Variants in GRID2 observed in about 807,000 individuals in gnomAD.
The protein encoded by GRID2 is glutamate ionotropic receptor delta type subunit 2.
In GRID2, 33 loss-of-function variants were observed where a neutral mutation model predicts 114.8. The observed-to-expected ratio is 0.29, with a 90% confidence interval of 0.22 to 0.38. GRID2 has a LOEUF of 0.38. Among genes scored for constraint, GRID2 ranks in the 10% least tolerant of loss-of-function variants. GRID2 has a pLI of 1.00. For synonymous variants in GRID2, 505 were observed against 449.9 expected, an observed-to-expected ratio of 1.12 and a Z score of -1.55; for missense variants, 1,184 against 1,257.7, an observed-to-expected ratio of 0.94 and a Z score of 0.89.
intron 1 of GRID2, among the ~76,000 whole-genome samples, chr4:92,515,176 T>C (rs1054402301): frequency 2.6e-5 from 4 of 151,932 alleles, no homozygotes; most frequent in African/African-American, 9.7e-5. Context: ...TCATTTCTGA[T>C]TCCACTATGA....
chr4:92,991,231 A>C (rs953382139), intron 2 of GRID2, among the ~76,000 whole-genome samples: 1 of 152,168 alleles, frequency 6.6e-6, no homozygotes, highest in Non-Finnish European at 1.5e-5. Context: ...TGTAATAATC[A>C]TGGTTTGCAA....
At chr4:93,708,332 T>C (rs1278851975) in intron 14 of GRID2, among the ~76,000 whole-genome samples, 1 of 152,028 alleles carries the variant, frequency 6.6e-6, no homozygotes, top group African/African-American at 2.4e-5. Context: ...GGGGTTTATG[T>C]CTCTCTTTAG....
chr4:93,042,270 TC>T (rs1312001807), intron 2 of GRID2, among the ~76,000 whole-genome samples: 85 of 79,764 alleles, frequency 1.1e-3, no homozygotes, highest in East Asian at 5.0e-3. Context: ...TCTCTCTCTC[TC>T]TCTTTCTCTC....
intron 2 of GRID2, among the ~76,000 whole-genome samples, chr4:92,637,924 T>A (rs146775059): frequency 6.6e-6 from 1 of 151,982 alleles, no homozygotes; most frequent in African/African-American, 2.4e-5. Flanking sequence ...ATGTGGGGAA[T>A]AGAAGTTGTT....
intron 13 of GRID2, among the ~76,000 whole-genome samples, chr4:93,523,957 G>T (rs568890353): frequency 1.3e-5 from 2 of 152,042 alleles, no homozygotes; most frequent in African/African-American, 4.8e-5. Flanking sequence ...CCTCTTTTCT[G>T]CTTGTTCCAT....
At chr4:92,742,064 T>C (rs919970280) in intron 2 of GRID2, among the ~76,000 whole-genome samples, 15 of 152,292 alleles carry the variant, frequency 9.8e-5, no homozygotes, top group African/African-American at 3.4e-4. Flanking sequence ...AAATAAATAA[T>C]GAATTATACT....
At chr4:93,751,748 G>A (rs953574184) in intron 14 of GRID2, among the ~76,000 whole-genome samples, 1 of 152,136 alleles carries the variant, frequency 6.6e-6, no homozygotes, top group East Asian at 1.9e-4. Context: ...CGAAAACACG[G>A]TTAAGAATGT....
At chr4:92,984,843 A>T (rs971802596) in intron 2 of GRID2, among the ~76,000 whole-genome samples, 2 of 151,774 alleles carry the variant, frequency 1.3e-5, no homozygotes, top group African/African-American at 4.8e-5. Flanking sequence ...GTCTTTTTCA[A>T]TATTAGCTTT....
At chr4:93,647,218 T>C (rs1271785197) in intron 14 of GRID2, among the ~76,000 whole-genome samples, 1 of 152,282 alleles carries the variant, frequency 6.6e-6, no homozygotes, top group East Asian at 1.9e-4. Context: ...AGGCACCTTT[T>C]TATAAAGTTC....
rs1739729929 is a variant in GRID2, at chr4:92,794,109, TA to T, written c.244+203826del. On this transcript the variant is annotated intron_variant, in intron 2 of 15. Coordinates refer to ENST00000282020, the MANE Select transcript of GRID2 (RefSeq NM_001510.4). ...GAGACAACATTATTGCAAATAAGTG[TA>T]AATCTTTTCTTTATTTTATTTTTTT... Among the ~76,000 whole-genome samples, 4 of 151,950 alleles carry T rather than the reference TA, an allele frequency of 2.6e-5. No homozygotes were observed. In the South Asian group the frequency reaches 8.3e-4, roughly 31 times the overall value.
chr4:92,454,967 T>C (rs558779908), intron 1 of GRID2, among the ~76,000 whole-genome samples: 2 of 152,182 alleles, frequency 1.3e-5, no homozygotes, highest in Non-Finnish European at 2.9e-5. Context: ...TTCTAAGAGG[T>C]TGATTTTAAA....
chr4:92,326,389 A>G (rs1479240814), intron 1 of GRID2, among the ~76,000 whole-genome samples: 2 of 151,936 alleles, frequency 1.3e-5, no homozygotes, highest in African/African-American at 4.8e-5. Context: ...AAGTATTTCT[A>G]TGGTGTATAA....
intron 2 of GRID2, among the ~76,000 whole-genome samples, chr4:92,675,109 A>G (rs207464875): frequency 6.6e-6 from 1 of 152,176 alleles, no homozygotes; most frequent in Non-Finnish European, 1.5e-5. Context: ...TACTGGTCCA[A>G]CAACTTGATC....
intron 4 of GRID2, among the ~76,000 whole-genome samples, chr4:93,205,226 T>A (rs573646155): frequency 6.6e-6 from 1 of 151,728 alleles, no homozygotes; most frequent in African/African-American, 2.4e-5. Flanking sequence ...TTTTTTTTAT[T>A]TTTTTTTAGC....
At chr4:92,452,099 A>C (rs1008733098) in intron 1 of GRID2, among the ~76,000 whole-genome samples, 1 of 152,214 alleles carries the variant, frequency 6.6e-6, no homozygotes, top group African/African-American at 2.4e-5. Context: ...TGTAAAAGAC[A>C]GGTAAAGCAG....
Position 92,590,265 on chromosome 4 carries a change from C to A in GRID2, c.223C>A (p.Pro75Thr). The part of the protein sequence containing the change: ...FSVTFVDGNN[P>T]FQAVQEACEL... ...AGTGACGTTTGTTGATGGCAACAAC[C>A]CTTTCCAAGCAGTTCAAGAAGGTAA... Residue 75 changes from proline to threonine, a missense_variant, in exon 2 of 16, where the codon CCT (proline) becomes ACT (threonine). By Grantham distance (38) the Pro-to-Thr change is conservative. Transcript: ENST00000282020. The A allele has an allele frequency of 6.2e-7, 1 of 1,612,754 alleles. No homozygotes were observed. Among genetic ancestry groups the A allele is most frequent in the Non-Finnish European group, 8.5e-7 (1 of 1,179,158 alleles).
intron 1 of GRID2, among the ~76,000 whole-genome samples, chr4:92,384,320 G>C (rs1729764212): frequency 6.9e-6 from 1 of 145,186 alleles, no homozygotes; most frequent in Non-Finnish European, 1.5e-5. Flanking sequence ...TTTATGTGGG[G>C]CTTTATGTGG....
intron 1 of GRID2, among the ~76,000 whole-genome samples, chr4:93,799,923 T>A (rs1382134569): frequency 6.6e-6 from 1 of 152,228 alleles, no homozygotes; most frequent in Non-Finnish European, 1.5e-5. Flanking sequence ...GGAAATCTTA[T>A]TTTATTCATG....
chr4:93,745,658 G>A (rs1731781384), intron 14 of GRID2, among the ~76,000 whole-genome samples: 2 of 152,094 alleles, frequency 1.3e-5, no homozygotes, highest in African/African-American at 4.8e-5. Flanking sequence ...CATAGTTGAA[G>A]CCAGTGTGAG....
Sources: gnomAD v4.1 joint callset for allele counts (sites outside exome capture counted in the v4.1 genomes callset) on GRCh38, gnomAD v4.1.1 for gene constraint, MANE v1.5 for transcripts, NCBI Gene and HGNC (gene_info 2026-07-23, HGNC 2026-07-21) for gene names.